MAMDC2: variants seen among roughly 807,000 people sequenced by gnomAD.
The protein encoded by MAMDC2 is MAM domain containing 2, also known as MAM domain-containing protein 2.
In MAMDC2, 57 loss-of-function variants were observed where a neutral mutation model predicts 89.8. That is an observed-to-expected ratio of 0.63 (90% CI 0.51 to 0.79). MAMDC2 has a LOEUF of 0.79. MAMDC2 is among the 30% of genes least tolerant of loss of function. The probability of loss-of-function intolerance (pLI) is 0.00; values close to 1 mark genes in which losing one functional copy is unlikely to be tolerated. For missense variants in MAMDC2, 800 were observed against 820.6 expected (o/e 0.97, Z 0.31); for synonymous variants, 313 against 293.4 (o/e 1.07, Z -0.68).
At chr9:70,109,643 C>CT in intron 3 of MAMDC2, 77 bp from the exon 4 acceptor site, 2 of 1,224,324 alleles carry the variant, frequency 1.6e-6, no homozygotes, top group Non-Finnish European at 2.4e-6. Flanking sequence ...CAGCTCCAGA[C>CT]TAATAGCTGA....
In MAMDC2 at chr9:70,140,238, T is replaced by G; in HGVS notation, c.1088T>G (p.Val363Gly). 6.2e-7 allele frequency: 1 copy of G among 1,601,340 alleles called. No individual in the cohort carries two copies. The highest frequency in any genetic ancestry group is 8.5e-7 in the Non-Finnish European group (1 of 1,175,862). Residue 363 changes from valine to glycine, a missense_variant, in exon 8 of 14, where the codon GTG becomes GGG. Physicochemically the swap from Val to Gly is moderately radical, Grantham distance 109. Coordinates refer to ENST00000377182, the MANE Select transcript of MAMDC2 (RefSeq NM_153267.5). ...QDKEGPGWTR[V>G]KVKPNMYRAG... is the part of the protein sequence containing the mutation. ...AAAGAAGGTCCAGGTTGGACCCGAG[T>G]GAAAGTAAAACCAAACATGTATCGG...
intron 7 of MAMDC2, 104 bp from the exon 8 acceptor site, chr9:70,140,041 G>T: frequency 8.2e-7 from 1 of 1,213,050 alleles, no homozygotes; most frequent in Non-Finnish European, 1.1e-6. Flanking sequence ...TACTTCTTCG[G>T]TCTCCCCTGG....
rs1193491454 is a variant in MAMDC2, at chr9:70,198,788, G to T, written c.1652-19549G>T. ...GTATTCTTCATTTCCAAGAACACAA[G>T]AACTTCTTGTGTGATTGAAATATTA... is the stretch of plus-strand genomic sequence containing the variant. On this transcript the variant is annotated intron_variant, in intron 11 of 13. Transcript: ENST00000377182. Among the ~76,000 whole-genome samples, 7 of 152,014 alleles carry T rather than the reference G, an allele frequency of 4.6e-5. No homozygotes were observed. In the South Asian group the frequency reaches 6.2e-4, roughly 14 times the overall value.
rs962230925 is a variant in MAMDC2, at chr9:70,203,981, C to T, written c.1652-14356C>T. ...TCTAAATTTTTTTCAAAGTTTCCAA[C>T]TTCTTTGCCTTTGGTTTGAATGTCC... On this transcript the variant is annotated intron_variant, in intron 11 of 13. Transcript: ENST00000377182. Among the ~76,000 whole-genome samples the T allele has an allele frequency of 8.4e-5, 12 of 142,748 alleles. 1 individual carries two copies. The highest frequency in any genetic ancestry group is 1.9e-4 in the Non-Finnish European group (12 of 64,602). 93.6% of individuals were successfully genotyped at this position (142,748 alleles called of 152,430 possible). A position where few individuals can be genotyped will look rare whatever the true frequency, so the allele number is the denominator to read the frequency against.
intron 11 of MAMDC2, among the ~76,000 whole-genome samples, chr9:70,213,901 G>A (rs1025496766): frequency 3.3e-5 from 5 of 152,122 alleles, no homozygotes; most frequent in African/African-American, 4.8e-5. Flanking sequence ...ATATCTCACC[G>A]CCAAGAACTT....
At chr9:70,084,459 C>G (rs1396077962) in intron 2 of MAMDC2, among the ~76,000 whole-genome samples, 1 of 152,054 alleles carries the variant, frequency 6.6e-6, no homozygotes, top group Non-Finnish European at 1.5e-5. Flanking sequence ...AGAGCTGGTT[C>G]CACGTCATCA....
intron 5 of MAMDC2, among the ~76,000 whole-genome samples, chr9:70,115,588 T>C (rs1032960170): frequency 2.0e-5 from 3 of 152,172 alleles, no homozygotes; most frequent in Non-Finnish European, 4.4e-5. Flanking sequence ...ACTCCTGACC[T>C]TAGGTGATCC....
At chr9:70,125,703 G>T (rs1388750472) in intron 5 of MAMDC2, among the ~76,000 whole-genome samples, 1 of 152,162 alleles carries the variant, frequency 6.6e-6, no homozygotes, top group Non-Finnish European at 1.5e-5. Flanking sequence ...GTGCAGGAGG[G>T]TCTCTCCATG....
At chr9:70,079,767 C>T (rs1259687800) in intron 2 of MAMDC2, among the ~76,000 whole-genome samples, 1 of 152,144 alleles carries the variant, frequency 6.6e-6, no homozygotes, top group Non-Finnish European at 1.5e-5. Flanking sequence ...AGAGGACTTC[C>T]CTGGGATCCA....
intron 2 of MAMDC2, among the ~76,000 whole-genome samples, chr9:70,071,208 A>G (rs1827399543): frequency 6.6e-6 from 1 of 152,196 alleles, no homozygotes; most frequent in Non-Finnish European, 1.5e-5. Context: ...CTTGTAAGGA[A>G]GACCAACCGT....
intron 2 of MAMDC2, among the ~76,000 whole-genome samples, chr9:70,085,150 T>A (rs1380626033): frequency 6.6e-6 from 1 of 152,036 alleles, no homozygotes; most frequent in African/African-American, 2.4e-5. Flanking sequence ...GATCTTCTGT[T>A]CCCAAATTAG....
chr9:70,152,474 T>C (rs1014696563), intron 9 of MAMDC2, among the ~76,000 whole-genome samples: 19 of 152,044 alleles, frequency 1.2e-4, no homozygotes, highest in African/African-American at 4.6e-4. Flanking sequence ...GGCAGAAAAT[T>C]AAGGACATTG....
chr9:70,163,148 C>CAGTTTGG (rs2032037152), intron 9 of MAMDC2, among the ~76,000 whole-genome samples: 1 of 151,440 alleles, frequency 6.6e-6, no homozygotes, highest in Non-Finnish European at 1.5e-5. Context: ...GATGATTATT[C>CAGTTTGG]AGTTTGGGTA....
At chr9:70,049,114 T>C (rs114842041) in intron 2 of MAMDC2, among the ~76,000 whole-genome samples, 3,178 of 152,084 alleles carry the variant, frequency 0.021, 97 homozygotes, top group African/African-American at 0.073. Flanking sequence ...GTTTGAGAAA[T>C]CGCCTAATAC....
At chr9:70,061,551 A>G (rs998912806) in intron 2 of MAMDC2, among the ~76,000 whole-genome samples, 7 of 152,188 alleles carry the variant, frequency 4.6e-5, no homozygotes, top group African/African-American at 1.7e-4. Flanking sequence ...TGCTCTGCAC[A>G]TAACAAACCA....
At chr9:70,100,457 C>T (rs1368537355) in intron 2 of MAMDC2, among the ~76,000 whole-genome samples, 1 of 152,174 alleles carries the variant, frequency 6.6e-6, no homozygotes, top group African/African-American at 2.4e-5. Context: ...CGTTTGAGTT[C>T]AGGGACTAGA....
At chr9:70,113,379 T>C (rs908067962) in intron 5 of MAMDC2, among the ~76,000 whole-genome samples, 2 of 152,254 alleles carry the variant, frequency 1.3e-5, no homozygotes, top group Non-Finnish European at 2.9e-5. Flanking sequence ...AAAGTTCTCC[T>C]TCACCTGTGG....
chr9:70,187,074 T>C (rs538941610), intron 11 of MAMDC2, among the ~76,000 whole-genome samples: 2 of 152,102 alleles, frequency 1.3e-5, no homozygotes, highest in Non-Finnish European at 2.9e-5. Context: ...GTCTTCTTTG[T>C]AGTTATTCTG....
intron 9 of MAMDC2, among the ~76,000 whole-genome samples, chr9:70,156,696 A>G (rs926471934): frequency 2.0e-5 from 3 of 152,240 alleles, no homozygotes; most frequent in African/African-American, 7.2e-5. Flanking sequence ...ATGTCAAAGA[A>G]TAAGGAGCTA....
Sources: allele counts gnomAD v4.1 joint callset (sites outside exome capture counted in the v4.1 genomes callset), GRCh38; gene constraint gnomAD v4.1.1; transcripts MANE v1.5; gene names NCBI Gene and HGNC (gene_info 2026-07-23, HGNC 2026-07-21).